PTPRT: variants seen among roughly 807,000 people sequenced by gnomAD.
The protein encoded by PTPRT is receptor-type tyrosine-protein phosphatase T.
Under a neutral mutation model 176.8 loss-of-function variants are expected in PTPRT, and 56 were observed. The ratio of observed to expected loss-of-function variants is 0.32; its 90% CI spans 0.26 to 0.40. The LOEUF is 0.40. Among genes scored for constraint, PTPRT ranks in the 10% least tolerant of loss-of-function variants. PTPRT has a pLI of 1.00. For synonymous variants in PTPRT, 783 were observed against 739.0 expected (o/e 1.06, Z -0.96); for missense variants, 1,540 against 1,908.2 (o/e 0.81, Z 3.60).
intron 2 of PTPRT, among the ~76,000 whole-genome samples, chr20:42,839,309 T>TTC (rs1044238004): frequency 2.1e-5 from 3 of 143,270 alleles, no homozygotes; most frequent in South Asian, 2.2e-4. Flanking sequence ...TTCACTCTGT[T>TTC]TTTTTTTTTT....
chr20:42,866,784 G>A (rs1029245193), intron 2 of PTPRT, among the ~76,000 whole-genome samples: 6 of 152,026 alleles, frequency 3.9e-5, no homozygotes, highest in African/African-American at 1.4e-4. Flanking sequence ...TGCCACTTAC[G>A]TGTGATTTTA....
At chr20:42,319,409 G>A (rs1299964167) in intron 11 of PTPRT, among the ~76,000 whole-genome samples, 2 of 151,956 alleles carry the variant, frequency 1.3e-5, no homozygotes. Context: ...GAATAGCAAA[G>A]GGTATTTTTT....
At chr20:43,034,298 C>A (rs1012195822) in intron 1 of PTPRT, among the ~76,000 whole-genome samples, 2 of 152,170 alleles carry the variant, frequency 1.3e-5, no homozygotes, top group East Asian at 3.9e-4. Flanking sequence ...AAGAGGGAAA[C>A]CCCCTCCCTT....
chr20:42,440,757 G>A (rs758160746), intron 9 of PTPRT, among the ~76,000 whole-genome samples: 13 of 152,208 alleles, frequency 8.5e-5, no homozygotes, highest in East Asian at 5.8e-4. Flanking sequence ...GATTACAGGC[G>A]TGAGCCACCA....
intron 1 of PTPRT, among the ~76,000 whole-genome samples, chr20:43,051,477 TAAAC>T (rs145467389): frequency 0.016 from 2,470 of 152,244 alleles, 35 homozygotes; most frequent in Middle Eastern, 0.037. Flanking sequence ...AAAATGTTCT[TAAAC>T]AAATCTAAAT....
chr20:42,292,442 C>T (rs964833183), intron 12 of PTPRT, among the ~76,000 whole-genome samples: 2 of 151,928 alleles, frequency 1.3e-5, no homozygotes, highest in Non-Finnish European at 2.9e-5. Context: ...CAGTGATTCT[C>T]TTGTCTCATA....
At chr20:42,650,180 G>T (rs1369026818) in intron 7 of PTPRT, among the ~76,000 whole-genome samples, 1 of 152,166 alleles carries the variant, frequency 6.6e-6, no homozygotes, top group Non-Finnish European at 1.5e-5. Flanking sequence ...TTTTTTACAG[G>T]TGATGAAGCA....
At chr20:42,487,465 T>C (rs2145357481) in intron 7 of PTPRT, among the ~76,000 whole-genome samples, 1 of 152,322 alleles carries the variant, frequency 6.6e-6, no homozygotes, top group South Asian at 2.1e-4. Flanking sequence ...CCTGGGAATC[T>C]GTTATCTTAC....
chr20:42,650,995 T>C (rs2075019524), intron 7 of PTPRT, among the ~76,000 whole-genome samples: 2 of 151,938 alleles, frequency 1.3e-5, no homozygotes, highest in Admixed American at 6.5e-5. Flanking sequence ...CAAAATAAAC[T>C]AAAGGCTACT....
rs1345692900 is a variant in PTPRT at position 42,073,175 on chromosome 20, C to A, written c.*7704G>T. 1 of 194,852 alleles carries A rather than the reference C, an allele frequency of 5.1e-6. No individual in the cohort carries two copies. The highest frequency in any genetic ancestry group is 2.3e-5 in the African/African-American group (1 of 43,190). The allele number at this position is 194,852 out of a possible 1,614,324, so 12.1% of individuals were successfully genotyped here. On this transcript the variant is annotated 3_prime_UTR_variant, in exon 31 of 31. Transcript: ENST00000373187. ...TGCCCAGTGGATGTGAAGATGTCAG[C>A]CTCCCTGGAGTTGAGCGGGAACCTT...
chr20:42,119,993 C>G (rs1987502162), intron 19 of PTPRT, 22 bp from the exon 20 acceptor site: 1 of 1,601,520 alleles, frequency 6.2e-7, no homozygotes, highest in Non-Finnish European at 8.5e-7. Context: ...GAGAAAAGCA[C>G]TGTGAAGAGT....
intron 2 of PTPRT, among the ~76,000 whole-genome samples, chr20:42,807,269 C>G (rs569075244): frequency 6.6e-6 from 1 of 152,096 alleles, no homozygotes; most frequent in Admixed American, 6.5e-5. Flanking sequence ...TCTGTTTTTC[C>G]GACCATTCCT....
At chr20:42,960,234 A>G (rs556681748) in intron 1 of PTPRT, among the ~76,000 whole-genome samples, 10 of 152,266 alleles carry the variant, frequency 6.6e-5, no homozygotes, top group African/African-American at 1.9e-4. Context: ...TAATTTATCA[A>G]TTGTAGACGT....
intron 1 of PTPRT, among the ~76,000 whole-genome samples, chr20:43,018,155 A>G (rs1985464152): frequency 6.6e-6 from 1 of 152,226 alleles, no homozygotes; most frequent in Non-Finnish European, 1.5e-5. Context: ...TAAGGGTCCA[A>G]AAGGTCTGAA....
chr20:42,121,428 C>T (rs1311139962), intron 19 of PTPRT, among the ~76,000 whole-genome samples: 1 of 152,118 alleles, frequency 6.6e-6, no homozygotes, highest in Non-Finnish European at 1.5e-5. Flanking sequence ...TGTCACAGAG[C>T]TCAGCACAAT....
chr20:42,860,114 C>A (rs931802397), intron 2 of PTPRT, among the ~76,000 whole-genome samples: 1 of 152,110 alleles, frequency 6.6e-6, no homozygotes, highest in Non-Finnish European at 1.5e-5. Flanking sequence ...GTATGAAGAA[C>A]CCACATCCTC....
chr20:42,381,668 A>G (rs1035371481), intron 9 of PTPRT, among the ~76,000 whole-genome samples: 1 of 152,092 alleles, frequency 6.6e-6, no homozygotes, highest in African/African-American at 2.4e-5. Flanking sequence ...GAGTGGAAGA[A>G]AAGGAGGGAG....
At chr20:42,371,084 C>T (rs1348054027) in intron 9 of PTPRT, among the ~76,000 whole-genome samples, 1 of 152,204 alleles carries the variant, frequency 6.6e-6, no homozygotes, top group Non-Finnish European at 1.5e-5. Flanking sequence ...GGACAAGAAC[C>T]ATGATTTTGC....
chr20:42,250,716 C>T (rs555889219), intron 13 of PTPRT, among the ~76,000 whole-genome samples: 1 of 152,356 alleles, frequency 6.6e-6, no homozygotes, highest in Non-Finnish European at 1.5e-5. Flanking sequence ...GAGTGAACCA[C>T]AGTTGTGGAC....
Sources: gnomAD v4.1 joint callset for allele counts (sites outside exome capture counted in the v4.1 genomes callset) on GRCh38, gnomAD v4.1.1 for gene constraint, MANE v1.5 for transcripts, NCBI Gene and HGNC (gene_info 2026-07-23, HGNC 2026-07-21) for gene names.